PRKCQ: variants seen among roughly 807,000 people sequenced by gnomAD.
PRKCQ encodes the protein protein kinase C theta.
A neutral mutation model predicts 91.2 loss-of-function variants in PRKCQ; 41 were observed. The ratio of observed to expected loss-of-function variants is 0.45; its 90% CI spans 0.35 to 0.58. PRKCQ has a LOEUF of 0.58. Ranked by LOEUF, PRKCQ falls within the 20% of genes least tolerant of loss-of-function variation. The pLI is 0.00. For synonymous variants in PRKCQ, 307 were observed against 316.9 expected, an observed-to-expected ratio of 0.97 and a Z score of 0.33; for missense variants, 673 against 896.5, an observed-to-expected ratio of 0.75 and a Z score of 3.18.
At chr10:6,494,221 C>T (rs899288190) in intron 7 of PRKCQ, among the ~76,000 whole-genome samples, 9 of 152,300 alleles carry the variant, frequency 5.9e-5, no homozygotes, top group South Asian at 2.1e-4. Flanking sequence ...TACTCCCTTC[C>T]GGTTAAACTG....
chr10:6,415,454 A>G, the PRKCQ span, among the ~76,000 whole-genome samples: 2 of 125,620 alleles, frequency 1.6e-5, no homozygotes, highest in Non-Finnish European at 3.3e-5. Flanking sequence ...ATATATATAT[A>G]TACACTTACT....
intron 1 of PRKCQ, among the ~76,000 whole-genome samples, chr10:6,543,881 C>A (rs146975157): frequency 6.6e-6 from 1 of 152,204 alleles, no homozygotes; most frequent in Admixed American, 6.5e-5. Flanking sequence ...ATGCTCTGAG[C>A]AGACAGTTGT....
chr10:6,502,255 A>G lies in PRKCQ; in HGVS notation c.380-3697T>C, dbSNP rs60401620. 5.0e-3 allele frequency among the ~76,000 whole-genome samples: 763 copies of G among 152,330 alleles called. 2 individuals are homozygous for G. The highest frequency in any genetic ancestry group is 0.018 in the African/African-American group (739 of 41,570). On this transcript the variant is annotated intron_variant, in intron 4 of 17. Coordinates refer to ENST00000263125, the MANE Select transcript of PRKCQ (RefSeq NM_006257.5). ...CAGCTAAGGCAGGTGGAGGTAGGTG[A>G]AGGAGAGAAAGAGGGAAGTTGGAAA...
At chr10:6,533,214 T>C (rs1009483270) in intron 1 of PRKCQ, among the ~76,000 whole-genome samples, 17 of 152,246 alleles carry the variant, frequency 1.1e-4, no homozygotes, top group African/African-American at 3.9e-4. Flanking sequence ...TTCTATTTTT[T>C]TGAGATGGAG....
chr10:6,518,898 TG>T (rs949127479), intron 1 of PRKCQ, among the ~76,000 whole-genome samples: 4 of 152,264 alleles, frequency 2.6e-5, no homozygotes, highest in African/African-American at 9.6e-5. Context: ...CAAATATTTT[TG>T]AAATGCTATT....
At chr10:6,460,766 G>A (rs661673) in intron 14 of PRKCQ, among the ~76,000 whole-genome samples, 52,165 of 151,890 alleles carry the variant, frequency 0.34, 9,161 homozygotes, top group East Asian at 0.44. Context: ...GCTGGGATTT[G>A]CAGGTGTGAG....
At chr10:6,479,226 GAGAC>G (rs1836444584) in intron 11 of PRKCQ, 61 bp from the exon 12 acceptor site, 3 of 1,578,074 alleles carry the variant, frequency 1.9e-6, no homozygotes, top group South Asian at 2.3e-5. Flanking sequence ...TCTTAAAAAA[GAGAC>G]AGAGTCCTGA....
intron 5 of PRKCQ, 132 bp downstream of exon 5, chr10:6,498,264 G>T: frequency 8.4e-7 from 1 of 1,188,820 alleles, no homozygotes; most frequent in Non-Finnish European, 1.2e-6. Context: ...GTTCAGGCAA[G>T]GTCCCTGACA....
chr10:6,403,692 A>G, the PRKCQ span, among the ~76,000 whole-genome samples: 1 of 152,204 alleles, frequency 6.6e-6, no homozygotes, highest in African/African-American at 2.4e-5. Flanking sequence ...GTCTGAGCAC[A>G]ATGTATTGCA....
intron 1 of PRKCQ, among the ~76,000 whole-genome samples, chr10:6,561,500 T>C (rs1157057876): frequency 6.6e-6 from 1 of 152,022 alleles, no homozygotes; most frequent in Non-Finnish European, 1.5e-5. Context: ...ACAATACATA[T>C]CTGAGACAAT....
At chr10:6,571,800 C>G (rs902227696) in intron 1 of PRKCQ, among the ~76,000 whole-genome samples, 2 of 151,908 alleles carry the variant, frequency 1.3e-5, no homozygotes, top group African/African-American at 4.8e-5. Flanking sequence ...CAAGACCCTG[C>G]CTCAAAAACA....
At chr10:6,443,116 C>T (rs191881084) in intron 15 of PRKCQ, among the ~76,000 whole-genome samples, 52 of 152,294 alleles carry the variant, frequency 3.4e-4, no homozygotes, top group African/African-American at 1.2e-3. Flanking sequence ...CCTATCCTTT[C>T]ACCAACCCAC....
At chr10:6,414,958 T>G in the PRKCQ span, among the ~76,000 whole-genome samples, 1 of 152,060 alleles carries the variant, frequency 6.6e-6, no homozygotes, top group Non-Finnish European at 1.5e-5. Context: ...CTTTATTTTT[T>G]AATTTTAATT....
intron 1 of PRKCQ, among the ~76,000 whole-genome samples, chr10:6,519,412 G>A (rs1192499486): frequency 6.6e-6 from 1 of 152,136 alleles, no homozygotes; most frequent in Non-Finnish European, 1.5e-5. Flanking sequence ...CCCAGGGGTC[G>A]AGGATTCAGG....
intron 2 of PRKCQ, among the ~76,000 whole-genome samples, chr10:6,514,081 C>A (rs571932193): frequency 6.6e-6 from 1 of 152,280 alleles, no homozygotes; most frequent in South Asian, 2.1e-4. Context: ...TCCCTCTATG[C>A]TCTGGTCCCA....
chr10:6,422,205 A>G (rs540325426), downstream of PRKCQ, among the ~76,000 whole-genome samples: 57 of 152,350 alleles, frequency 3.7e-4, no homozygotes, highest in African/African-American at 1.3e-3. Flanking sequence ...CCTATTCCAC[A>G]TTAGGTACTC....
chr10:6,464,713 G>C (rs758987322), intron 12 of PRKCQ, among the ~76,000 whole-genome samples: 3 of 152,196 alleles, frequency 2.0e-5, no homozygotes, highest in Non-Finnish European at 4.4e-5. Flanking sequence ...CTCCCAAAGT[G>C]CTGGGATTAC....
At chr10:6,431,035 C>A in intron 16 of PRKCQ, 97 bp from the exon 17 acceptor site, 1 of 1,445,838 alleles carries the variant, frequency 6.9e-7, no homozygotes. Flanking sequence ...CCCTTCTTTT[C>A]TAACCTCATT....
At chr10:6,494,697 C>T (rs145376848) in intron 7 of PRKCQ, among the ~76,000 whole-genome samples, 10 of 152,286 alleles carry the variant, frequency 6.6e-5, no homozygotes, top group South Asian at 6.2e-4. Context: ...TATCTTCTAC[C>T]TAACATCTCA....
Sources: allele counts gnomAD v4.1 joint callset (sites outside exome capture counted in the v4.1 genomes callset), GRCh38; gene constraint gnomAD v4.1.1; transcripts MANE v1.5; gene names NCBI Gene and HGNC (gene_info 2026-07-23, HGNC 2026-07-21).